The following EXT2 variants were observed in gnomAD, a reference collection of about 807,000 sequenced individuals.
EXT2 encodes the protein exostosin-2.
In EXT2, 53 loss-of-function variants were observed where a neutral mutation model predicts 81.6. That is an observed-to-expected ratio of 0.65 (90% CI 0.52 to 0.82). The LOEUF (loss-of-function observed/expected upper bound fraction) is 0.82. Among genes scored for constraint, EXT2 ranks in the 40% least tolerant of loss-of-function variants. EXT2 has a pLI of 0.00. For missense variants in EXT2, 774 were observed against 910.2 expected (o/e 0.85, Z 1.93); for synonymous variants, 320 against 340.0 (o/e 0.94, Z 0.65).
chr11:44,152,224 A>G (rs1456999274), intron 7 of EXT2, among the ~76,000 whole-genome samples: 1 of 152,194 alleles, frequency 6.6e-6, no homozygotes, highest in Admixed American at 6.5e-5. Context: ...ATATTAATGA[A>G]GTCCAGCTTA....
chr11:44,110,828 A>G (rs890845885), intron 3 of EXT2, among the ~76,000 whole-genome samples: 1 of 152,188 alleles, frequency 6.6e-6, no homozygotes, highest in African/African-American at 2.4e-5. Flanking sequence ...TTTCCTATGC[A>G]TGTATTTTTG....
At chr11:44,143,612 C>T (rs1002912319) in intron 7 of EXT2, among the ~76,000 whole-genome samples, 13 of 152,188 alleles carry the variant, frequency 8.5e-5, no homozygotes, top group East Asian at 3.9e-4. Context: ...GGTCTTCCCT[C>T]GGAATCACCA....
intron 10 of EXT2, among the ~76,000 whole-genome samples, chr11:44,230,800 C>G (rs995031201): frequency 2.6e-5 from 4 of 152,048 alleles, no homozygotes; most frequent in Non-Finnish European, 5.9e-5. Context: ...TCTAAGCCCC[C>G]CAATTTGTGG....
rs557968385 is a variant in EXT2 at position 44,236,636 on chromosome 11, G to C, written c.2018+261G>C. On this transcript the variant is annotated intron_variant, in intron 13 of 13. Transcript: ENST00000533608. ...AAGCTCCAGAAGCCAAATTCTCCAT[G>C]TGGACTAAGCAGTTAACCATCTACA... Among the ~76,000 whole-genome samples, 17 of 152,312 alleles carry C rather than the reference G, an allele frequency of 1.1e-4. No individual in the cohort carries two copies. In the East Asian group the frequency reaches 2.7e-3, roughly 24 times the overall value.
chr11:44,183,028 G>C (rs2135152444), intron 8 of EXT2, among the ~76,000 whole-genome samples: 1 of 152,232 alleles, frequency 6.6e-6, no homozygotes, highest in East Asian at 1.9e-4. Context: ...TATTTTGTAA[G>C]ATATCCTTTG....
intron 10 of EXT2, among the ~76,000 whole-genome samples, chr11:44,230,219 C>CAG (rs1263728265): frequency 6.6e-6 from 1 of 152,232 alleles, no homozygotes; most frequent in East Asian, 1.9e-4. Context: ...ACAGCAAGTG[C>CAG]AGAGGGCTTG....
At chr11:44,100,474 TTGGCTAGTATGG>T (rs1953965729) in intron 1 of EXT2, among the ~76,000 whole-genome samples, 1 of 152,172 alleles carries the variant, frequency 6.6e-6, no homozygotes, top group Admixed American at 6.5e-5. Context: ...AGGAAAAGCA[TTGGCTAGTATGG>T]TAGCTCTAGC....
rs199749540 is a variant in EXT2 at position 44,159,121 on chromosome 11, CTT to C, written c.1174-12478_1174-12477del. Among the ~76,000 whole-genome samples the C allele has an allele frequency of 9.9e-5, 14 of 140,740 alleles. No homozygotes were observed. The East Asian group carries it at 1.5e-3, about 15-fold the overall frequency. The allele number at this position is 140,740 out of a possible 152,430, so 92.3% of individuals were successfully genotyped here. A position where few individuals can be genotyped will look rare whatever the true frequency, so the allele number is the denominator to read the frequency against. On this transcript the variant is annotated intron_variant, in intron 7 of 13. Coordinates refer to ENST00000533608, the MANE Select transcript of EXT2 (RefSeq NM_207122.2). ...CATTTTTAGGGTTTTTGCTTTCGTT[CTT>C]TTTTTTTTTTTCTTCATTTATTCTG... is the stretch of plus-strand genomic sequence containing the variant.
intron 12 of EXT2, 73 bp from the exon 13 acceptor site, chr11:44,236,220 G>T: frequency 7.8e-7 from 1 of 1,281,864 alleles, no homozygotes; most frequent in Non-Finnish European, 1.1e-6. Flanking sequence ...AAAGAATGCA[G>T]TGTGGTGTCA....
At chr11:44,172,644 C>T (rs1422191731) in intron 8 of EXT2, among the ~76,000 whole-genome samples, 4 of 146,834 alleles carry the variant, frequency 2.7e-5, no homozygotes, top group South Asian at 4.3e-4. Context: ...AGTGCAGTGG[C>T]GCAATCTTGG....
chr11:44,151,673 A>T (rs1352003147), intron 7 of EXT2, among the ~76,000 whole-genome samples: 2 of 152,142 alleles, frequency 1.3e-5, no homozygotes, highest in African/African-American at 4.8e-5. Flanking sequence ...GCTGCTGTAA[A>T]CATCTGTGTG....
chr11:44,133,930 A>G (rs1448487880), intron 7 of EXT2, among the ~76,000 whole-genome samples: 5 of 152,082 alleles, frequency 3.3e-5, no homozygotes, highest in African/African-American at 1.2e-4. Context: ...TACCTGACAA[A>G]GAAAGGAAAT....
intron 8 of EXT2, among the ~76,000 whole-genome samples, chr11:44,195,166 G>A (rs574377678): frequency 1.3e-5 from 2 of 152,208 alleles, no homozygotes; most frequent in East Asian, 3.9e-4. Flanking sequence ...CGGGCGCGGT[G>A]GCTCACACCT....
intron 7 of EXT2, among the ~76,000 whole-genome samples, chr11:44,145,080 T>C (rs1954698639): frequency 1.3e-5 from 2 of 151,988 alleles, no homozygotes; most frequent in Admixed American, 1.3e-4. Flanking sequence ...AAACTAGATC[T>C]TGCAAGAAGA....
At chr11:44,223,424 G>A (rs1955803085) in intron 10 of EXT2, among the ~76,000 whole-genome samples, 1 of 152,092 alleles carries the variant, frequency 6.6e-6, no homozygotes, top group Non-Finnish European at 1.5e-5. Flanking sequence ...TATGGCACAT[G>A]CATACCATGG....
intron 3 of EXT2, among the ~76,000 whole-genome samples, chr11:44,111,005 A>G (rs898367897): frequency 3.3e-5 from 5 of 152,160 alleles, no homozygotes; most frequent in Non-Finnish European, 7.3e-5. Context: ...TCCTGGATTC[A>G]AAGGAGGCAA....
intron 10 of EXT2, among the ~76,000 whole-genome samples, chr11:44,215,531 T>A (rs1564979945): frequency 6.6e-6 from 1 of 152,206 alleles, no homozygotes; most frequent in Non-Finnish European, 1.5e-5. Flanking sequence ...TTGGTAAATG[T>A]TCTGTGTGTG....
chr11:44,143,104 A>G (rs1294988117), intron 7 of EXT2, among the ~76,000 whole-genome samples: 1 of 152,094 alleles, frequency 6.6e-6, no homozygotes, highest in Non-Finnish European at 1.5e-5. Flanking sequence ...GGTGTGCACC[A>G]CCACACCTGG....
intron 8 of EXT2, among the ~76,000 whole-genome samples, chr11:44,180,972 G>A (rs1019248303): frequency 1.3e-5 from 2 of 152,052 alleles, no homozygotes; most frequent in Admixed American, 6.5e-5. Flanking sequence ...ATGATGGTGT[G>A]TGCCTGTAAC....
Sources: allele counts gnomAD v4.1 joint callset (sites outside exome capture counted in the v4.1 genomes callset), GRCh38; gene constraint gnomAD v4.1.1; transcripts MANE v1.5; gene names NCBI Gene and HGNC (gene_info 2026-07-23, HGNC 2026-07-21).